The following SLX4IP variants were observed in gnomAD, a reference collection of about 807,000 sequenced individuals.
The protein encoded by SLX4IP is protein SLX4IP.
In SLX4IP, 34 loss-of-function variants were observed where a neutral mutation model predicts 32.9. That is an observed-to-expected ratio of 1.03 (90% CI 0.79 to 1.38). The LOEUF (loss-of-function observed/expected upper bound fraction) is 1.38. Among genes scored for constraint, SLX4IP ranks in the 40% most tolerant of loss-of-function variants. SLX4IP has a pLI of 0.00. For synonymous variants in SLX4IP, 172 were observed against 171.7 expected, an observed-to-expected ratio of 1.00 and a Z score of -0.01; for missense variants, 444 against 479.0, an observed-to-expected ratio of 0.93 and a Z score of 0.68.
chr20:10,452,808 G>A (rs1165895190), intron 1 of SLX4IP, among the ~76,000 whole-genome samples: 4 of 151,158 alleles, frequency 2.6e-5, no homozygotes, highest in African/African-American at 9.7e-5. Flanking sequence ...CCTAGATTGA[G>A]CCACTGCACT....
chr20:10,584,126 GT>G (rs1356263526), intron 4 of SLX4IP, among the ~76,000 whole-genome samples: 5 of 151,828 alleles, frequency 3.3e-5, no homozygotes, highest in Non-Finnish European at 5.9e-5. Flanking sequence ...TACATGGTGG[GT>G]TTTTTTTCCC....
intron 4 of SLX4IP, among the ~76,000 whole-genome samples, chr20:10,564,618 C>A (rs2066369635): frequency 6.6e-6 from 1 of 152,074 alleles, no homozygotes; most frequent in South Asian, 2.1e-4. Flanking sequence ...TTTGAGATTT[C>A]TTTATAAACA....
intron 5 of SLX4IP, among the ~76,000 whole-genome samples, chr20:10,600,127 C>T (rs2066824233): frequency 6.6e-6 from 1 of 151,932 alleles, no homozygotes; most frequent in Non-Finnish European, 1.5e-5. Flanking sequence ...GGCTATATAC[C>T]ATTTATCGCA....
chr20:10,502,479 C>T (rs1253786885), intron 2 of SLX4IP, among the ~76,000 whole-genome samples: 2 of 152,234 alleles, frequency 1.3e-5, no homozygotes, highest in African/African-American at 4.8e-5. Flanking sequence ...CATGCACACT[C>T]ACATGTCCCC....
intron 6 of SLX4IP, among the ~76,000 whole-genome samples, chr20:10,604,939 GT>G (rs1195681918): frequency 6.6e-6 from 1 of 152,042 alleles, no homozygotes; most frequent in East Asian, 1.9e-4. Context: ...CCTTTATTTG[GT>G]TTGTTTTTTC....
intron 6 of SLX4IP, among the ~76,000 whole-genome samples, chr20:10,618,044 T>C (rs549724783): frequency 2.0e-5 from 3 of 152,360 alleles, no homozygotes; most frequent in Admixed American, 2.0e-4. Context: ...TTTGCAGTCC[T>C]TTCTATCCTG....
At chr20:10,593,891 T>G (rs1193134783) in intron 4 of SLX4IP, among the ~76,000 whole-genome samples, 1 of 152,258 alleles carries the variant, frequency 6.6e-6, no homozygotes, top group Non-Finnish European at 1.5e-5. Flanking sequence ...GATCTTTGGT[T>G]GGATCCGATT....
At chr20:10,607,934 G>C (rs1450323936) in intron 6 of SLX4IP, among the ~76,000 whole-genome samples, 1 of 152,174 alleles carries the variant, frequency 6.6e-6, no homozygotes, top group Admixed American at 6.5e-5. Context: ...CATGGTTTGT[G>C]CCTCCTCCCA....
At chr20:10,593,443 A>C (rs1489545750) in intron 4 of SLX4IP, among the ~76,000 whole-genome samples, 1 of 152,172 alleles carries the variant, frequency 6.6e-6, no homozygotes, top group Non-Finnish European at 1.5e-5. Context: ...GAGGTTAAAA[A>C]AAAAAGCTTA....
At chr20:10,622,463 T>C (rs879344793) in intron 7 of SLX4IP, among the ~76,000 whole-genome samples, 196 bp from the exon 8 acceptor site, 9 of 152,192 alleles carry the variant, frequency 5.9e-5, no homozygotes, top group Admixed American at 3.3e-4. Context: ...ATGGAATATG[T>C]GAAGGTTTTT....
At chr20:10,496,105 C>G (rs2122405061) in intron 2 of SLX4IP, among the ~76,000 whole-genome samples, 1 of 151,828 alleles carries the variant, frequency 6.6e-6, no homozygotes, top group East Asian at 1.9e-4. Context: ...CTTATTTCTA[C>G]TACATTATAT....
intron 4 of SLX4IP, among the ~76,000 whole-genome samples, chr20:10,576,769 A>G (rs2066528500): frequency 6.6e-6 from 1 of 152,186 alleles, no homozygotes; most frequent in African/African-American, 2.4e-5. Context: ...GTATATACCC[A>G]CAATATAAGT....
chr20:10,510,374 C>G (rs6108612), intron 2 of SLX4IP, among the ~76,000 whole-genome samples: 1 of 152,142 alleles, frequency 6.6e-6, no homozygotes, highest in South Asian at 2.1e-4. Context: ...AGCCATACTC[C>G]TTGTGGCCAC....
chr20:10,512,582 G>A (rs1433036416), intron 2 of SLX4IP, among the ~76,000 whole-genome samples: 1 of 140,812 alleles, frequency 7.1e-6, no homozygotes, highest in East Asian at 2.0e-4. Flanking sequence ...ATATAGGTGT[G>A]TGTATATATA....
At chr20:10,559,121 G>GT (rs200493647) in intron 3 of SLX4IP, among the ~76,000 whole-genome samples, 9 of 149,020 alleles carry the variant, frequency 6.0e-5, no homozygotes, top group East Asian at 3.9e-4. Flanking sequence ...TTCTTTAATT[G>GT]TTTTTTAAAA....
chr20:10,623,677 A>G lies in SLX4IP; in HGVS notation c.*298A>G. 4 of 388,192 alleles carry G rather than the reference A, an allele frequency of 1.0e-5. No individual in the cohort carries two copies. The South Asian group carries it at 1.1e-4, about 11-fold the overall frequency. 24.0% of individuals were successfully genotyped at this position (388,192 alleles called of 1,614,324 possible). Reference sequence around the variant, plus strand: ...AGGGAGGAGACTGTGCAAGGACTGCATGAAGAAACTGATCATGAGCCCCTT... The same window carrying G: ...AGGGAGGAGACTGTGCAAGGACTGCGTGAAGAAACTGATCATGAGCCCCTT... On this transcript the variant is annotated 3_prime_UTR_variant, in exon 8 of 8. Transcript: ENST00000334534.
chr20:10,559,142 C>G (rs778320868), intron 3 of SLX4IP, among the ~76,000 whole-genome samples: 1 of 151,596 alleles, frequency 6.6e-6, no homozygotes, highest in Non-Finnish European at 1.5e-5. Context: ...AAAAAAAAAC[C>G]TATGAGGCGG....
chr20:10,611,754 T>C (rs1238114164), intron 6 of SLX4IP, among the ~76,000 whole-genome samples: 1 of 152,216 alleles, frequency 6.6e-6, no homozygotes, highest in Non-Finnish European at 1.5e-5. Context: ...GTATCCACCA[T>C]AGAGGCATTA....
At chr20:10,565,514 T>G (rs1030381290) in intron 4 of SLX4IP, among the ~76,000 whole-genome samples, 1 of 152,226 alleles carries the variant, frequency 6.6e-6, no homozygotes, top group Non-Finnish European at 1.5e-5. Context: ...AGCCTTGTGC[T>G]GTTTTTTCCC....
Sources: allele counts gnomAD v4.1 joint callset (sites outside exome capture counted in the v4.1 genomes callset), GRCh38; gene constraint gnomAD v4.1.1; transcripts MANE v1.5; gene names NCBI Gene and HGNC (gene_info 2026-07-23, HGNC 2026-07-21).